The following FRMD6 variants were observed in gnomAD, a reference collection of about 807,000 sequenced individuals.
The protein encoded by FRMD6 is FERM domain-containing protein 6.
A neutral mutation model predicts 73.2 loss-of-function variants in FRMD6; 37 were observed. That is an observed-to-expected ratio of 0.51 (90% confidence interval 0.39 to 0.66). The LOEUF is 0.66. Among genes scored for constraint, FRMD6 ranks in the 30% least tolerant of loss-of-function variants. The probability of loss-of-function intolerance (pLI) is 0.00; values close to 1 mark genes in which losing one functional copy is unlikely to be tolerated. For synonymous variants in FRMD6, 273 were observed against 282.2 expected (o/e 0.97, Z 0.33); for missense variants, 714 against 780.5 (o/e 0.91, Z 1.02).
intron 2 of FRMD6, among the ~76,000 whole-genome samples, chr14:51,696,737 A>G (rs1895961925): frequency 7.2e-6 from 1 of 138,666 alleles, no homozygotes; most frequent in Non-Finnish European, 1.6e-5. Flanking sequence ...ACGTAGTGAG[A>G]GACCCTGTCT....
intron 1 of FRMD6, among the ~76,000 whole-genome samples, chr14:51,558,793 T>C (rs1433147180): frequency 2.6e-5 from 4 of 152,176 alleles, no homozygotes; most frequent in Non-Finnish European, 5.9e-5. Context: ...AGTTTTTTTG[T>C]CTGCTTTTCA....
intron 2 of FRMD6, among the ~76,000 whole-genome samples, chr14:51,616,562 A>C (rs1890722884): frequency 6.6e-6 from 1 of 152,162 alleles, no homozygotes; most frequent in Non-Finnish European, 1.5e-5. Context: ...TTTCCTCCTC[A>C]GCAGCAGTGT....
chr14:51,632,086 G>T (rs1891359864), intron 2 of FRMD6, among the ~76,000 whole-genome samples: 2 of 152,186 alleles, frequency 1.3e-5, no homozygotes, highest in South Asian at 4.1e-4. Flanking sequence ...TCTTGTGCTA[G>T]TGAGTTCTCA....
intron 1 of FRMD6, among the ~76,000 whole-genome samples, chr14:51,660,876 A>C (rs184661064): frequency 1.4e-4 from 22 of 152,262 alleles, no homozygotes; most frequent in Non-Finnish European, 3.1e-4. Context: ...CTGGGGGAAA[A>C]GTGTTGCAGC....
chr14:51,678,678 G>A (rs1185707299), intron 1 of FRMD6, among the ~76,000 whole-genome samples: 1 of 152,122 alleles, frequency 6.6e-6, no homozygotes. Flanking sequence ...GTGACATAAG[G>A]ATGCTGACAG....
the FRMD6 span, among the ~76,000 whole-genome samples, chr14:51,451,802 T>C: frequency 6.6e-6 from 1 of 152,262 alleles, no homozygotes. Context: ...GGGATCTTCC[T>C]GAGGTCTTAA....
rs761226514 is a variant in FRMD6, at chr14:51,708,232, A to G, written c.713A>G (p.Lys238Arg). The G allele has an allele frequency of 1.2e-6, 2 of 1,612,700 alleles. No individual in the cohort carries two copies. The highest frequency in any genetic ancestry group is 2.2e-5 in the East Asian group (1 of 44,836). Reference protein sequence around the residue: ...DVAVHYYRLYKDKREIEASLT... With the variant: ...DVAVHYYRLYRDKREIEASLT... ...GCTGTTCATTACTACAGATTGTATA[A>G]GGTATGAAACGGCAACTAAGTCTTC... The change falls in exon 7 of 14, where the codon AAG (lysine) becomes AGG (arginine). Residue 238 changes from lysine (K) to arginine (R), a missense_variant and splice_region_variant. Physicochemically the swap from Lys to Arg is conservative, Grantham distance 26. Coordinates refer to ENST00000344768, the MANE Select transcript of FRMD6 (RefSeq NM_001267046.2).
intron 2 of FRMD6, among the ~76,000 whole-genome samples, chr14:51,695,041 G>T (rs1895852600): frequency 6.6e-6 from 1 of 151,746 alleles, no homozygotes; most frequent in Admixed American, 6.6e-5. Context: ...GGGCTGCATG[G>T]AGGAAATATA....
Position 51,720,363 on chromosome 14 carries a change from C to G in FRMD6, c.1333C>G (p.Arg445Gly). The G allele has an allele frequency of 6.2e-7, 1 of 1,613,650 alleles. No homozygotes were observed. The highest frequency in any genetic ancestry group is 2.2e-5 in the East Asian group (1 of 44,878). ...AGGGGTGGAGAGTGGCGGCAAAGAC[C>G]GGCTGGAAGAGGACTTACAGGACGA... ...TSGVESGGKD[R>G]LEEDLQDDEI... is the part of the protein sequence containing the mutation. Residue 445 changes from arginine (R) to glycine (G), a missense_variant, in exon 11 of 14, where the codon CGG (arginine) becomes GGG (glycine). Physicochemically the swap from Arg to Gly is moderately radical, Grantham distance 125. Transcript: ENST00000344768.
chr14:51,459,456 A>C, the FRMD6 span, among the ~76,000 whole-genome samples: 2 of 152,298 alleles, frequency 1.3e-5, no homozygotes, highest in South Asian at 4.1e-4. Context: ...ACTAGCACAG[A>C]GGTAGAACAG....
intron 2 of FRMD6, among the ~76,000 whole-genome samples, chr14:51,626,953 C>G (rs1461433092): frequency 6.6e-6 from 1 of 152,202 alleles, no homozygotes; most frequent in East Asian, 1.9e-4. Flanking sequence ...AATTATTCAA[C>G]TGGCAGATAG....
the FRMD6 span, among the ~76,000 whole-genome samples, chr14:51,469,731 AT>A: frequency 7.4e-5 from 11 of 148,568 alleles, no homozygotes; most frequent in South Asian, 2.1e-4. Flanking sequence ...GAAATACTTT[AT>A]TTTTTTTTCC....
chr14:51,702,715 C>T, intron 5 of FRMD6, 127 bp downstream of exon 5: 3 of 701,070 alleles, frequency 4.3e-6, no homozygotes, highest in Non-Finnish European at 7.1e-6. Context: ...GTAGGAGCAG[C>T]AATTTTTTTC....
chr14:51,601,682 G>A (rs1490540356), intron 2 of FRMD6, among the ~76,000 whole-genome samples: 3 of 152,100 alleles, frequency 2.0e-5, no homozygotes, highest in African/African-American at 7.2e-5. Context: ...ACTTCAACTG[G>A]ATAAAAGGCT....
chr14:51,681,461 T>C (rs1894792336), intron 1 of FRMD6, among the ~76,000 whole-genome samples: 1 of 152,170 alleles, frequency 6.6e-6, no homozygotes, highest in South Asian at 2.1e-4. Flanking sequence ...TTTAATAAAC[T>C]TCACATGAAT....
chr14:51,579,608 A>T (rs1888600362), intron 2 of FRMD6, among the ~76,000 whole-genome samples: 1 of 152,214 alleles, frequency 6.6e-6, no homozygotes, highest in Non-Finnish European at 1.5e-5. Context: ...ACATCCCAGC[A>T]CATAGTCAAT....
the FRMD6 span, among the ~76,000 whole-genome samples, chr14:51,424,671 TTTG>T: frequency 1.1e-4 from 17 of 152,320 alleles, no homozygotes; most frequent in South Asian, 4.2e-4. Flanking sequence ...TCCCTGTGGC[TTTG>T]TTGTTGTCTG....
In FRMD6 at chr14:51,564,348, A is replaced by C. The variant is rs567249207; in HGVS notation, c.-209-6000A>C. On this transcript the variant is annotated intron_variant, in intron 1 of 14. Coordinates refer to the FRMD6 transcript ENST00000356218. Reference sequence around the variant, plus strand: ...GCCTCAGATCCTCAGTTTCCTGTCTACAATAATGAATTTGGGCAGAACCTG... The same window carrying C: ...GCCTCAGATCCTCAGTTTCCTGTCTCCAATAATGAATTTGGGCAGAACCTG... Among the ~76,000 whole-genome samples, 90 of 152,306 alleles carry C rather than the reference A, an allele frequency of 5.9e-4. No homozygotes were observed. The South Asian group carries it at 9.5e-3, about 16-fold the overall frequency.
chr14:51,586,362 G>C (rs547323413), intron 2 of FRMD6, among the ~76,000 whole-genome samples: 156 of 152,116 alleles, frequency 1.0e-3, no homozygotes, highest in Admixed American at 3.7e-3. Context: ...TCATATGTTT[G>C]TTGGCCACAT....
Sources: allele counts gnomAD v4.1 joint callset (sites outside exome capture counted in the v4.1 genomes callset), GRCh38; gene constraint gnomAD v4.1.1; transcripts MANE v1.5; gene names NCBI Gene and HGNC (gene_info 2026-07-23, HGNC 2026-07-21).